The following DNAH14 variants were observed in gnomAD, a reference collection of about 807,000 sequenced individuals.
DNAH14 encodes the protein dynein axonemal heavy chain 14, also known as axonemal beta dynein heavy chain 14.
In DNAH14, 478 loss-of-function variants were observed where a neutral mutation model predicts 520.9. The ratio of observed to expected loss-of-function variants is 0.92; its 90% CI spans 0.85 to 0.99. The LOEUF is 0.99. DNAH14 is among the 50% of genes least tolerant of loss of function. The pLI is 0.00. For synonymous variants in DNAH14, 1,581 were observed against 1,757.2 expected (o/e 0.90, Z 2.51); for missense variants, 4,831 against 5,234.5 (o/e 0.92, Z 2.38).
intron 10 of DNAH14, among the ~76,000 whole-genome samples, chr1:225,017,716 T>TG (rs2065327861): frequency 6.6e-6 from 1 of 152,230 alleles, no homozygotes; most frequent in African/African-American, 2.4e-5. Flanking sequence ...CCAGCCCAGC[T>TG]GGGGCTTGCC....
intron 73 of DNAH14, among the ~76,000 whole-genome samples, chr1:225,357,075 G>C (rs1250101773): frequency 6.6e-6 from 1 of 152,142 alleles, no homozygotes; most frequent in African/African-American, 2.4e-5. Context: ...TTAGAAAGAA[G>C]CTTGCCCTAG....
At chr1:225,287,430 T>A (rs1558272238) in intron 54 of DNAH14, among the ~76,000 whole-genome samples, 1 of 152,136 alleles carries the variant, frequency 6.6e-6, no homozygotes, top group East Asian at 1.9e-4. Flanking sequence ...GGATGGCAGA[T>A]GTTGGAAACC....
At chr1:224,944,062 G>A (rs1308483041) in intron 1 of DNAH14, among the ~76,000 whole-genome samples, 6 of 152,206 alleles carry the variant, frequency 3.9e-5, no homozygotes, top group African/African-American at 9.6e-5. Context: ...TTAACTTTCT[G>A]TCTTGTTGAT....
chr1:225,001,499 T>C (rs758745526), intron 8 of DNAH14, among the ~76,000 whole-genome samples: 2 of 152,172 alleles, frequency 1.3e-5, no homozygotes, highest in African/African-American at 4.8e-5. Flanking sequence ...ATAATACTTA[T>C]GCTTGAAGAC....
chr1:225,263,456 A>G (rs539598886), intron 46 of DNAH14, among the ~76,000 whole-genome samples: 53 of 151,922 alleles, frequency 3.5e-4, no homozygotes, highest in Non-Finnish European at 5.7e-4. Context: ...CTTATAGCCC[A>G]TCTGATTCCT....
chr1:225,043,785 T>C lies in DNAH14; in HGVS notation c.1810T>C (p.Tyr604His), dbSNP rs1347551843. ...ETEFENKYMY[Y>H]EFPEFPTNLF... is the part of the protein sequence containing the mutation. The stretch of plus-strand genomic sequence containing the variant: ...TGAGTTTGAGAATAAATACATGTAT[T>C]ATGAGTAAGTATTAGACATTTTAAA... Residue 604 changes from tyrosine to histidine, a missense_variant, in exon 14 of 86, where the codon TAT (tyrosine) becomes CAT (histidine). Physicochemically the swap from Tyr to His is moderately conservative, Grantham distance 83. Coordinates refer to ENST00000682510, the MANE Select transcript of DNAH14 (RefSeq NM_001367479.1). 7 of 1,462,770 alleles carry C rather than the reference T, an allele frequency of 4.8e-6. No individual in the cohort carries two copies. Among genetic ancestry groups the C allele is most frequent in the Non-Finnish European group, 6.5e-6 (7 of 1,069,496 alleles). 90.6% of individuals were successfully genotyped at this position (1,462,770 alleles called of 1,614,324 possible).
intron 27 of DNAH14, among the ~76,000 whole-genome samples, chr1:225,134,204 G>T (rs1212403037): frequency 2.6e-5 from 4 of 152,090 alleles, no homozygotes; most frequent in Non-Finnish European, 5.9e-5. Flanking sequence ...CTTCCTATTT[G>T]AATACCCTTT....
At chr1:225,080,336 G>T in intron 18 of DNAH14, 43 bp from the exon 19 acceptor site, 1 of 1,477,754 alleles carries the variant, frequency 6.8e-7, no homozygotes, top group African/African-American at 1.4e-5. Context: ...GTACGTTCTA[G>T]ACATACTGAT....
intron 60 of DNAH14, 49 bp downstream of exon 60, chr1:225,308,459 T>C: frequency 6.7e-7 from 1 of 1,489,074 alleles, no homozygotes; most frequent in South Asian, 1.4e-5. Flanking sequence ...TTTGAAAAAG[T>C]ATTCCCTAAC....
intron 60 of DNAH14, among the ~76,000 whole-genome samples, chr1:225,310,383 GC>G (rs1252812904): frequency 6.6e-6 from 1 of 152,118 alleles, no homozygotes; most frequent in East Asian, 1.9e-4. Flanking sequence ...AATTTTTAAA[GC>G]TGACAATTAT....
At chr1:225,335,545 G>GTATGTACATATATACATATGTACA (rs1491540578) in intron 66 of DNAH14, among the ~76,000 whole-genome samples, 3,124 of 69,966 alleles carry the variant, frequency 0.045, 331 homozygotes, top group East Asian at 0.14. Context: ...ACATATATAC[G>GTATGTACATATATACATATGTACA]TATATACATA....
chr1:224,933,299 T>C (rs1011048804), intron 1 of DNAH14, among the ~76,000 whole-genome samples: 1 of 152,174 alleles, frequency 6.6e-6, no homozygotes, highest in African/African-American at 2.4e-5. Context: ...TTTACTGAAT[T>C]CATCTATAAA....
chr1:225,044,875 A>G (rs2067804976), intron 15 of DNAH14, among the ~76,000 whole-genome samples: 1 of 152,136 alleles, frequency 6.6e-6, no homozygotes, highest in South Asian at 2.1e-4. Flanking sequence ...CAGACATTCT[A>G]AACAACTGTG....
chr1:225,320,606 A>C (rs2094540323), intron 61 of DNAH14, among the ~76,000 whole-genome samples: 1 of 152,252 alleles, frequency 6.6e-6, no homozygotes, highest in Non-Finnish European at 1.5e-5. Flanking sequence ...GCAGATGCAC[A>C]GCTTAGTCCA....
At chr1:225,212,410 G>A (rs1376231918) in intron 41 of DNAH14, among the ~76,000 whole-genome samples, 3 of 151,954 alleles carry the variant, frequency 2.0e-5, no homozygotes, top group Non-Finnish European at 4.4e-5. Context: ...TAATCCTTTG[G>A]GTATATACCC....
chr1:224,944,964 A>C (rs1322581306), intron 1 of DNAH14, among the ~76,000 whole-genome samples: 1 of 152,072 alleles, frequency 6.6e-6, no homozygotes. Flanking sequence ...TCTGACAGTT[A>C]TGTGTCTTGG....
At chr1:225,128,891 A>G (rs2078068426) in intron 27 of DNAH14, among the ~76,000 whole-genome samples, 1 of 150,798 alleles carries the variant, frequency 6.6e-6, no homozygotes, top group Admixed American at 6.6e-5. Context: ...CTGTTTGCAG[A>G]TGACATGATT....
At chr1:225,117,843 A>G in intron 24 of DNAH14, 38 bp from the exon 25 acceptor site, 5 of 1,515,454 alleles carry the variant, frequency 3.3e-6, no homozygotes, top group African/African-American at 1.4e-5. Flanking sequence ...TCAGATCACA[A>G]TTCAATAATA....
At chr1:225,000,523 G>A (rs2063686358) in intron 8 of DNAH14, among the ~76,000 whole-genome samples, 3 of 149,194 alleles carry the variant, frequency 2.0e-5, no homozygotes, top group Non-Finnish European at 4.4e-5. Flanking sequence ...AGACACAAAT[G>A]CTAGATCAAT....
Sources: gnomAD v4.1 joint callset for allele counts (sites outside exome capture counted in the v4.1 genomes callset) on GRCh38, gnomAD v4.1.1 for gene constraint, MANE v1.5 for transcripts, NCBI Gene and HGNC (gene_info 2026-07-23, HGNC 2026-07-21) for gene names.